CCR4: variants seen among roughly 807,000 people sequenced by gnomAD.
CCR4 encodes C-C chemokine receptor type 4.
A neutral mutation model predicts 17.1 loss-of-function variants in CCR4; 9 were observed. The ratio of observed to expected loss-of-function variants is 0.53; its 90% CI spans 0.32 to 0.92. The LOEUF (loss-of-function observed/expected upper bound fraction) is 0.92, where lower values mean the gene tolerates loss of function less well. Ranked by LOEUF, CCR4 falls within the 40% of genes least tolerant of loss-of-function variation. The pLI is 0.04. For synonymous variants in CCR4, 217 were observed against 174.3 expected (o/e 1.24, Z -1.93); for missense variants, 385 against 433.9 (o/e 0.89, Z 1.00).
At chr3:32,951,944 T>C (rs866628244) in intron 1 of CCR4, among the ~76,000 whole-genome samples, 5 of 152,284 alleles carry the variant, frequency 3.3e-5, no homozygotes, top group South Asian at 2.1e-4. Context: ...ATAAAAAATA[T>C]ACACTTGTCT....
Position 32,956,180 on chromosome 3 carries a change from C to T in CCR4, c.*1675C>T, listed in dbSNP as rs1695721706. ...TCAGGTGATCTGCCTGCTTCAGCCT[C>T]CCAAAGTGCTGGGATTACAGGCGTG... On this transcript the variant is annotated 3_prime_UTR_variant, in exon 2 of 2. Coordinates refer to ENST00000330953, the MANE Select transcript of CCR4 (RefSeq NM_005508.5). 1 of 167,116 alleles carries T rather than the reference C, an allele frequency of 6.0e-6. No individual in the cohort carries two copies. The highest frequency in any genetic ancestry group is 2.1e-4 in the South Asian group (1 of 4,832). The allele number at this position is 167,116 out of a possible 1,614,324, so 10.4% of individuals were successfully genotyped here.
chr3:32,953,553 C>G lies in CCR4; in HGVS notation c.131C>G (p.Pro44Arg), dbSNP rs1310059123. 1 of 1,614,150 alleles carries G rather than the reference C, an allele frequency of 6.2e-7. No homozygotes were observed. The highest frequency in any genetic ancestry group is 8.5e-7 in the Non-Finnish European group (1 of 1,180,040). The change falls in exon 2 of 2, where the codon CCA (proline) becomes CGA (arginine). Residue 44 changes from proline to arginine, a missense_variant. Pro to Arg is a moderately radical substitution (Grantham distance 103, BLOSUM62 -2). Transcript: ENST00000330953. The part of the protein sequence containing the change: ...IKAFGELFLP[P>R]LYSLVFVFGL... ...GCATTTGGGGAGCTCTTCCTGCCCC[C>G]ACTGTATTCCTTGGTTTTTGTATTT...
In CCR4 at chr3:32,956,079, CG is replaced by C. The variant is rs1695720917; in HGVS notation, c.*1575del. ...CTGGGATTAGAGGTGTGCACCACTA[CG>C]CCAGGCTAATTTTTGTATTTTTAGT... On this transcript the variant is annotated 3_prime_UTR_variant, in exon 2 of 2. Transcript: ENST00000330953. 6.0e-6 allele frequency: 1 copy of C among 165,410 alleles called. No individual in the cohort carries two copies. Among genetic ancestry groups the C allele is most frequent in the African/African-American group, 2.4e-5 (1 of 41,298 alleles). 10.2% of individuals were successfully genotyped at this position (165,410 alleles called of 1,614,324 possible).
In CCR4 at chr3:32,953,522, A is replaced by G. The variant is rs1697702446; in HGVS notation, c.100A>G (p.Ile34Val). The change falls in exon 2 of 2, where the codon ATC becomes GTC. Residue 34 changes from isoleucine (I) to valine (V), a missense_variant. Coordinates refer to ENST00000330953, the MANE Select transcript of CCR4 (RefSeq NM_005508.5). The part of the protein sequence containing the change: ...SIPKPCTKEG[I>V]KAFGELFLPP... Reference sequence around the variant, plus strand: ...CCCCAAGCCTTGCACCAAAGAAGGCATCAAGGCATTTGGGGAGCTCTTCCT... The same window carrying G: ...CCCCAAGCCTTGCACCAAAGAAGGCGTCAAGGCATTTGGGGAGCTCTTCCT... 6.2e-7 allele frequency: 1 copy of G among 1,614,046 alleles called. No homozygotes were observed. The highest frequency in any genetic ancestry group is 1.1e-5 in the South Asian group (1 of 91,080).
In CCR4 at chr3:32,953,695, C is replaced by A; in HGVS notation, c.273C>A (p.Ser91=). 6.2e-7 allele frequency: 1 copy of A among 1,614,072 alleles called. No individual in the cohort carries two copies. Among genetic ancestry groups the A allele is most frequent in the Non-Finnish European group, 8.5e-7 (1 of 1,180,028 alleles). The part of the protein sequence containing the change: ...LAISDLLFVF[S]LPFWGYYAAD... ...TCTCGGATCTGCTCTTCGTGTTTTCCCTCCCTTTTTGGGGCTACTATGCAG... is the reference window on the plus strand; with the variant it reads ...TCTCGGATCTGCTCTTCGTGTTTTCACTCCCTTTTTGGGGCTACTATGCAG... Residue 91 remains serine (S), a synonymous_variant, in exon 2 of 2, where the codon TCC becomes TCA. Transcript: ENST00000330953.
chr3:32,952,634 T>C (rs1697689652), intron 1 of CCR4, among the ~76,000 whole-genome samples: 1 of 152,140 alleles, frequency 6.6e-6, no homozygotes, highest in Non-Finnish European at 1.5e-5. Flanking sequence ...AGAGATCGAA[T>C]GTGAATTTAC....
At position 32,953,504 on chromosome 3, in the gene CCR4, C is replaced by A; in HGVS notation, c.82C>A (p.Pro28Thr). The change falls in exon 2 of 2, where the codon CCT (proline) becomes ACT (threonine). Residue 28 changes from proline to threonine, a missense_variant. Pro to Thr is a conservative substitution (Grantham distance 38). Coordinates refer to ENST00000330953, the MANE Select transcript of CCR4 (RefSeq NM_005508.5). ...NYYLYESIPKPCTKEGIKAFG... is the reference protein window; with the variant it reads ...NYYLYESIPKTCTKEGIKAFG... ...CTATCTGTATGAAAGTATCCCCAAG[C>A]CTTGCACCAAAGAAGGCATCAAGGC... 1 of 1,614,094 alleles carries A rather than the reference C, an allele frequency of 6.2e-7. No homozygotes were observed. The highest frequency in any genetic ancestry group is 8.5e-7 in the Non-Finnish European group (1 of 1,180,016).
At position 32,955,402 on chromosome 3, in the gene CCR4, T is replaced by C. The variant is rs939520786; in HGVS notation, c.*897T>C. On this transcript the variant is annotated 3_prime_UTR_variant, in exon 2 of 2. Transcript: ENST00000330953. The stretch of plus-strand genomic sequence containing the variant: ...AAAATACAAAATTAGCCAGGTGTGG[T>C]GGCGCATGCCTGTAATCCCAGCTAC... 3 of 166,002 alleles carry C rather than the reference T, an allele frequency of 1.8e-5. No homozygotes were observed. Among genetic ancestry groups the C allele is most frequent in the African/African-American group, 7.3e-5 (3 of 41,342 alleles). 10.3% of individuals were successfully genotyped at this position (166,002 alleles called of 1,614,324 possible). A position where few individuals can be genotyped will look rare whatever the true frequency, so the allele number is the denominator to read the frequency against.
At position 32,954,748 on chromosome 3, in the gene CCR4, G is replaced by A. The variant is rs530229714; in HGVS notation, c.*243G>A. Reference sequence around the variant, plus strand: ...CAGGCTTGCCTGCAGGCATGAGTCAGTCTGATGAGAACTCTGAGCAGTGCT... The same window carrying A: ...CAGGCTTGCCTGCAGGCATGAGTCAATCTGATGAGAACTCTGAGCAGTGCT... On this transcript the variant is annotated 3_prime_UTR_variant, in exon 2 of 2. Transcript: ENST00000330953. The A allele has an allele frequency of 1.1e-5, 5 of 464,960 alleles. No individual in the cohort carries two copies. The Admixed American group carries it at 1.2e-4, about 11-fold the overall frequency. 28.8% of individuals were successfully genotyped at this position (464,960 alleles called of 1,614,324 possible).
At position 32,954,232 on chromosome 3, in the gene CCR4, A is replaced by T; in HGVS notation, c.810A>T (p.Leu270=). 6.2e-7 allele frequency: 1 copy of T among 1,614,078 alleles called. No homozygotes were observed. Among genetic ancestry groups the T allele is most frequent in the Non-Finnish European group, 8.5e-7 (1 of 1,179,942 alleles). The change falls in exon 2 of 2, where the codon CTA becomes CTT. Residue 270 remains leucine (L), a synonymous_variant. Transcript: ENST00000330953. ...IVLFLETLVE[L]EVLQDCTFER... is the part of the protein sequence containing the mutation. ...TCTTCCTAGAGACCCTGGTGGAGCT[A>T]GAAGTCCTTCAGGACTGCACCTTTG...
chr3:32,954,626 A>C lies in CCR4; in HGVS notation c.*121A>C. The stretch of plus-strand genomic sequence containing the variant: ...GGAGGAAGGCTTACACCCACAGTGG[A>C]AAGACAGCTTCTCATCCTGCAGGCA... On this transcript the variant is annotated 3_prime_UTR_variant, in exon 2 of 2. Coordinates refer to ENST00000330953, the MANE Select transcript of CCR4 (RefSeq NM_005508.5). 1 of 1,101,468 alleles carries C rather than the reference A, an allele frequency of 9.1e-7. No individual in the cohort carries two copies. Among genetic ancestry groups the C allele is most frequent in the Non-Finnish European group, 1.2e-6 (1 of 806,144 alleles). 68.2% of individuals were successfully genotyped at this position (1,101,468 alleles called of 1,614,324 possible).
Position 32,953,919 on chromosome 3 carries a change from T to C in CCR4, c.497T>C (p.Val166Ala), listed in dbSNP as rs769101328. 3 of 1,614,048 alleles carry C rather than the reference T, an allele frequency of 1.9e-6. No homozygotes were observed. The South Asian group carries it at 3.3e-5, about 18-fold the overall frequency. ...AGTTTGGCTACATGGTCAGTGGCTG[T>C]GTTCGCCTCCCTTCCTGGCTTTCTG... ...ITSLATWSVA[V>A]FASLPGFLFS... Residue 166 changes from valine to alanine, a missense_variant, in exon 2 of 2, where the codon GTG becomes GCG. By Grantham distance (64) the Val-to-Ala change is moderately conservative. Coordinates refer to ENST00000330953, the MANE Select transcript of CCR4 (RefSeq NM_005508.5).
rs774882827 is a variant in CCR4, at chr3:32,954,543, C to T, written c.*38C>T. 3.3e-6 allele frequency: 5 copies of T among 1,497,736 alleles called. No homozygotes were observed. The African/African-American group carries it at 5.6e-5, about 17-fold the overall frequency. The allele number at this position is 1,497,736 out of a possible 1,614,324, so 92.8% of individuals were successfully genotyped here. A position where few individuals can be genotyped will look rare whatever the true frequency, so the allele number is the denominator to read the frequency against. On this transcript the variant is annotated 3_prime_UTR_variant, in exon 2 of 2. Coordinates refer to ENST00000330953, the MANE Select transcript of CCR4 (RefSeq NM_005508.5). The stretch of plus-strand genomic sequence containing the variant: ...GTGAAATGCAGAGTCAATGAACTTT[C>T]CACATTCAGAGCTTACTTAAAATTG...
chr3:32,953,539 G>T lies in CCR4; in HGVS notation c.117G>T (p.Glu39Asp). The change falls in exon 2 of 2, where the codon GAG (glutamate) becomes GAT (aspartate). Residue 39 changes from glutamate (E) to aspartate (D), a missense_variant. Physicochemically the swap from Glu to Asp is conservative, Grantham distance 45 (BLOSUM62 2). Coordinates refer to ENST00000330953, the MANE Select transcript of CCR4 (RefSeq NM_005508.5). ...AAGAAGGCATCAAGGCATTTGGGGAGCTCTTCCTGCCCCCACTGTATTCCT... is the reference window on the plus strand; with the variant it reads ...AAGAAGGCATCAAGGCATTTGGGGATCTCTTCCTGCCCCCACTGTATTCCT... ...CTKEGIKAFGELFLPPLYSLV... is the reference protein window; with the variant it reads ...CTKEGIKAFGDLFLPPLYSLV... 1.2e-6 allele frequency: 2 copies of T among 1,614,158 alleles called. No individual in the cohort carries two copies. The highest frequency in any genetic ancestry group is 1.7e-6 in the Non-Finnish European group (2 of 1,180,034).
rs199885013 is a variant in CCR4, at chr3:32,955,537, CA to C, written c.*1050del. The C allele has an allele frequency of 0.031, 2,165 of 69,062 alleles. 22 individuals carry two copies. The highest frequency in any genetic ancestry group is 0.052 in the African/African-American group (1,033 of 19,906). 4.3% of individuals were successfully genotyped at this position (69,062 alleles called of 1,614,324 possible). On this transcript the variant is annotated 3_prime_UTR_variant, in exon 2 of 2. Coordinates refer to ENST00000330953, the MANE Select transcript of CCR4 (RefSeq NM_005508.5). The stretch of plus-strand genomic sequence containing the variant: ...GGGCAAAAAGAGCGAAACTCTGTCT[CA>C]AAAAAAAAAAAAAAAAATTAAATAA...
Position 32,953,962 on chromosome 3 carries a change from T to G in CCR4, c.540T>G (p.Thr180=), listed in dbSNP as rs1427449020. The G allele has an allele frequency of 6.2e-7, 1 of 1,614,042 alleles. No individual in the cohort carries two copies. Among genetic ancestry groups the G allele is most frequent in the Non-Finnish European group, 8.5e-7 (1 of 1,180,030 alleles). The part of the protein sequence containing the change: ...LPGFLFSTCY[T]ERNHTYCKTK... Reference sequence around the variant, plus strand: ...GCTTTCTGTTCAGCACTTGTTATACTGAGCGCAACCATACCTACTGCAAAA... The same window carrying G: ...GCTTTCTGTTCAGCACTTGTTATACGGAGCGCAACCATACCTACTGCAAAA... Residue 180 remains threonine (T), a synonymous_variant, in exon 2 of 2, where the codon ACT becomes ACG. Coordinates refer to ENST00000330953, the MANE Select transcript of CCR4 (RefSeq NM_005508.5).
chr3:32,953,774 TTGG>T lies in CCR4; in HGVS notation c.356_358del (p.Val119del). 6.2e-7 allele frequency: 1 copy of T among 1,614,126 alleles called. No individual in the cohort carries two copies. The highest frequency in any genetic ancestry group is 1.3e-5 in the African/African-American group (1 of 75,018). Reference sequence around the variant, plus strand: ...GTGCAAGATGATTTCCTGGATGTACTTGGTGGGCTTTTACAGTGGCATATTCTT... The same window carrying T: ...GTGCAAGATGATTTCCTGGATGTACTTGGGCTTTTACAGTGGCATATTCTT... On this transcript the variant is annotated inframe_deletion, in exon 2 of 2. Transcript: ENST00000330953.
In CCR4 at chr3:32,954,366, T is replaced by C. The variant is rs755159092; in HGVS notation, c.944T>C (p.Ile315Thr). ...FFLGEKFRKYILQLFKTCRGL... is the reference protein window; with the variant it reads ...FFLGEKFRKYTLQLFKTCRGL... ...CTGGGGGAGAAATTTCGCAAGTACA[T>C]CCTACAGCTCTTCAAAACCTGCAGG... The change falls in exon 2 of 2, where the codon ATC becomes ACC. Residue 315 changes from isoleucine (I) to threonine (T), a missense_variant. Ile to Thr is a moderately conservative substitution (Grantham distance 89). Transcript: ENST00000330953. 1.9e-6 allele frequency: 3 copies of C among 1,614,080 alleles called. No homozygotes were observed. The highest frequency in any genetic ancestry group is 2.2e-5 in the South Asian group (2 of 91,048).
rs1247796566 is a variant in CCR4, at chr3:32,954,679, A to G, written c.*174A>G. On this transcript the variant is annotated 3_prime_UTR_variant, in exon 2 of 2. Transcript: ENST00000330953. ...TTTTTCTCTCCCACTAGACAAGTCC[A>G]GCCTGGCAAGGGTTCACCTGGGCTG... The G allele has an allele frequency of 6.1e-6, 4 of 659,654 alleles. No homozygotes were observed. The highest frequency in any genetic ancestry group is 7.3e-6 in the Non-Finnish European group (3 of 412,046). The allele number at this position is 659,654 out of a possible 1,614,324, so 40.9% of individuals were successfully genotyped here.
Sources: allele counts gnomAD v4.1 joint callset (sites outside exome capture counted in the v4.1 genomes callset), GRCh38; gene constraint gnomAD v4.1.1; transcripts MANE v1.5; gene names NCBI Gene and HGNC (gene_info 2026-07-23, HGNC 2026-07-21).